GATB: variants seen among roughly 807,000 people sequenced by gnomAD.
GATB encodes the protein glutamyl-tRNA amidotransferase subunit B.
GATB carries 39 observed loss-of-function variants against 62.3 expected under a neutral mutation model. The ratio of observed to expected loss-of-function variants is 0.63; its 90% confidence interval spans 0.48 to 0.82. GATB has a LOEUF of 0.82. GATB is among the 40% of genes least tolerant of loss of function. The probability of loss-of-function intolerance (pLI) is 0.00; values close to 1 mark genes in which losing one functional copy is unlikely to be tolerated. For synonymous variants in GATB, 276 were observed against 258.9 expected (o/e 1.07, Z -0.63); for missense variants, 670 against 684.0 (o/e 0.98, Z 0.23).
chr4:151,681,612 G>A (rs1738139016), intron 10 of GATB, among the ~76,000 whole-genome samples: 1 of 152,192 alleles, frequency 6.6e-6, no homozygotes, highest in Middle Eastern at 3.2e-3. Context: ...TGGATTTCTT[G>A]AGCGTGCAAA....
chr4:151,739,702 G>C (rs2126992033), intron 2 of GATB, among the ~76,000 whole-genome samples: 1 of 152,280 alleles, frequency 6.6e-6, no homozygotes, highest in East Asian at 1.9e-4. Context: ...TTGGGCAACG[G>C]TCATTCCCCT....
intron 2 of GATB, among the ~76,000 whole-genome samples, chr4:151,742,771 C>T (rs932875218): frequency 1.3e-5 from 2 of 152,130 alleles, no homozygotes; most frequent in African/African-American, 4.8e-5. Context: ...ACAAATAAAG[C>T]CCTGTCAGAT....
chr4:151,714,457 G>A (rs374241394), intron 5 of GATB, among the ~76,000 whole-genome samples: 1 of 152,224 alleles, frequency 6.6e-6, no homozygotes, highest in South Asian at 2.1e-4. Context: ...CAGCTCCCAC[G>A]GAACTTTAGA....
At chr4:151,695,810 T>G (rs1438313912) in intron 9 of GATB, among the ~76,000 whole-genome samples, 1 of 152,142 alleles carries the variant, frequency 6.6e-6, no homozygotes, top group South Asian at 2.1e-4. Flanking sequence ...CAGGCTGGAC[T>G]GCAGTGGCAC....
At position 151,758,886 on chromosome 4, in the gene GATB, A is replaced by T; in HGVS notation, c.213T>A (p.Ile71=). ...HKWAAVVGLE[I]HAQISSNSKL... is the part of the protein sequence containing the mutation. Reference sequence around the variant, plus strand: ...TAGAGTTGGAGGAAATCTGGGCATGAATTTCCAAACCTACCACAGCAGCCC... The same window carrying T: ...TAGAGTTGGAGGAAATCTGGGCATGTATTTCCAAACCTACCACAGCAGCCC... Residue 71 remains isoleucine, a synonymous_variant, in exon 2 of 13, where the codon ATT becomes ATA. Coordinates refer to ENST00000263985, the MANE Select transcript of GATB (RefSeq NM_004564.3). 1 of 1,611,348 alleles carries T rather than the reference A, an allele frequency of 6.2e-7. No homozygotes were observed. Among genetic ancestry groups the T allele is most frequent in the South Asian group, 1.1e-5 (1 of 90,440 alleles).
At chr4:151,725,286 C>T (rs994886873) in intron 2 of GATB, among the ~76,000 whole-genome samples, 1 of 152,236 alleles carries the variant, frequency 6.6e-6, no homozygotes, top group African/African-American at 2.4e-5. Context: ...AGAAGCCAGC[C>T]GAGCTGGGGC....
intron 7 of GATB, among the ~76,000 whole-genome samples, chr4:151,704,550 TTTAC>T (rs1268642192): frequency 4.0e-5 from 6 of 151,134 alleles, no homozygotes; most frequent in Non-Finnish European, 8.8e-5. Context: ...GCCTCCTGGG[TTTAC>T]GCCATTCTCC....
chr4:151,671,245 G>A lies in GATB; in HGVS notation c.1603C>T (p.Arg535Trp), dbSNP rs377007052. ...TCTGCTCGGCTTTGAGTCGCTTTCC[G>A]GACCAACCCAATCAGTTTATTTATA... ...RAINKLIGLV[R>W]KATQSRADPV... is the part of the protein sequence containing the mutation. Residue 535 changes from arginine (R) to tryptophan (W), a missense_variant, in exon 13 of 13, where the codon CGG becomes TGG. By Grantham distance (101) the Arg-to-Trp change is moderately radical. Coordinates refer to ENST00000263985, the MANE Select transcript of GATB (RefSeq NM_004564.3). 6.3e-5 allele frequency: 102 copies of A among 1,613,794 alleles called. No homozygotes were observed. The highest frequency in any genetic ancestry group is 8.1e-5 in the Non-Finnish European group (96 of 1,179,908).
chr4:151,740,787 A>T (rs540375396), intron 2 of GATB, among the ~76,000 whole-genome samples: 74 of 152,322 alleles, frequency 4.9e-4, no homozygotes, highest in African/African-American at 1.5e-3. Flanking sequence ...AGAAAAATGA[A>T]TGGTACCCAG....
chr4:151,701,597 A>T, intron 8 of GATB, 79 bp from the exon 9 acceptor site: 1 of 1,029,658 alleles, frequency 9.7e-7, no homozygotes, highest in Admixed American at 3.3e-5. Flanking sequence ...CAGTAATATG[A>T]ATGTTTCTGT....
intron 11 of GATB, 141 bp downstream of exon 11, chr4:151,679,672 C>T (rs535582665): frequency 1.2e-5 from 9 of 751,936 alleles, no homozygotes; most frequent in Admixed American, 2.0e-5. Flanking sequence ...TAAAATGTTT[C>T]TACCTTTCAG....
intron 10 of GATB, among the ~76,000 whole-genome samples, chr4:151,681,434 C>T (rs1489510490): frequency 3.5e-5 from 4 of 112,858 alleles, no homozygotes; most frequent in African/African-American, 5.3e-5. Flanking sequence ...GGGCAGCGGG[C>T]GGCTAAACAA....
At chr4:151,692,734 G>A (rs1738390986) in intron 9 of GATB, among the ~76,000 whole-genome samples, 2 of 152,180 alleles carry the variant, frequency 1.3e-5, no homozygotes, top group Admixed American at 6.5e-5. Context: ...GGTCCTGCGA[G>A]CACACCCAGA....
At chr4:151,685,656 T>C (rs963004232) in intron 10 of GATB, among the ~76,000 whole-genome samples, 1 of 152,158 alleles carries the variant, frequency 6.6e-6, no homozygotes. Flanking sequence ...ATCCCATCCA[T>C]AAACTCTTCA....
intron 2 of GATB, among the ~76,000 whole-genome samples, chr4:151,748,662 G>A (rs1467457719): frequency 6.6e-6 from 1 of 152,164 alleles, no homozygotes; most frequent in African/African-American, 2.4e-5. Flanking sequence ...ATTGACAAAT[G>A]GGATCTAATT....
At chr4:151,692,766 AACAAG>A (rs1738391920) in intron 9 of GATB, among the ~76,000 whole-genome samples, 1 of 152,228 alleles carries the variant, frequency 6.6e-6, no homozygotes, top group African/African-American at 2.4e-5. Flanking sequence ...CACAGTCCTG[AACAAG>A]ACAAATCTTG....
intron 2 of GATB, 164 bp from the exon 3 acceptor site, chr4:151,719,702 G>A: frequency 4.1e-6 from 2 of 490,920 alleles, no homozygotes. Context: ...CTGTTTGCCT[G>A]GGAATCAGGG....
chr4:151,732,910 T>C (rs1739297753), intron 2 of GATB, among the ~76,000 whole-genome samples: 1 of 151,570 alleles, frequency 6.6e-6, no homozygotes, highest in Non-Finnish European at 1.5e-5. Flanking sequence ...TGGACACACT[T>C]TTATAACTGA....
At chr4:151,744,562 C>G (rs1321294680) in intron 2 of GATB, among the ~76,000 whole-genome samples, 1 of 151,976 alleles carries the variant, frequency 6.6e-6, no homozygotes, top group East Asian at 1.9e-4. Flanking sequence ...CTAGCCTGAG[C>G]AACATGGTGG....
Sources: allele counts gnomAD v4.1 joint callset (sites outside exome capture counted in the v4.1 genomes callset), GRCh38; gene constraint gnomAD v4.1.1; transcripts MANE v1.5; gene names NCBI Gene and HGNC (gene_info 2026-07-23, HGNC 2026-07-21).